BRD1: variants seen among roughly 807,000 people sequenced by gnomAD.
The protein encoded by BRD1 is bromodomain containing 1.
BRD1 carries 24 observed loss-of-function variants against 107.7 expected under a neutral mutation model. That is an observed-to-expected ratio of 0.22 (90% CI 0.16 to 0.31). The LOEUF (loss-of-function observed/expected upper bound fraction) is 0.31, where lower values mean the gene tolerates loss of function less well. BRD1 is among the 10% of genes least tolerant of loss of function. The pLI is 1.00. For synonymous variants in BRD1, 744 were observed against 686.1 expected (o/e 1.08, Z -1.32); for missense variants, 1,279 against 1,638.6 (o/e 0.78, Z 3.79).
chr22:49,811,063 C>T (rs2059840122), intron 2 of BRD1, among the ~76,000 whole-genome samples: 1 of 151,940 alleles, frequency 6.6e-6, no homozygotes. Context: ...ATTACGCAGC[C>T]GTGAAAAGGA....
At chr22:49,825,080 C>G (rs1161624913) in intron 1 of BRD1, among the ~76,000 whole-genome samples, 2 of 152,180 alleles carry the variant, frequency 1.3e-5, no homozygotes, top group African/African-American at 4.8e-5. Flanking sequence ...ATGGAAACCA[C>G]CACAGGCTGA....
At position 49,820,307 on chromosome 22, in the gene BRD1, C is replaced by T. The variant is rs1244099475; in HGVS notation, c.1367+2644G>A. Reference sequence around the variant, plus strand: ...ACGCTGCTCAGATGGGGTCTCATCTCCCTTCCAGCGTGACTGGCTGGCCTG... The same window carrying T: ...ACGCTGCTCAGATGGGGTCTCATCTTCCTTCCAGCGTGACTGGCTGGCCTG... On this transcript the variant is annotated intron_variant, in intron 2 of 12. Coordinates refer to ENST00000404760, the MANE Select transcript of BRD1 (RefSeq NM_001304808.3). 3.3e-5 allele frequency among the ~76,000 whole-genome samples: 5 copies of T among 152,278 alleles called. No homozygotes were observed. The East Asian group carries it at 7.7e-4, about 23-fold the overall frequency.
At chr22:49,793,919 A>G in intron 7 of BRD1, 115 bp downstream of exon 7, 1 of 1,417,372 alleles carries the variant, frequency 7.1e-7, no homozygotes, top group East Asian at 2.3e-5. Context: ...ACTGGCGCTA[A>G]CCTGAGCCTC....
rs111406899 is a variant in BRD1 at position 49,823,151 on chromosome 22, C to A, written c.1167G>T (p.Thr389=). The A allele has an allele frequency of 3.0e-5, 49 of 1,614,078 alleles. No homozygotes were observed. The highest frequency in any genetic ancestry group is 1.8e-4 in the Admixed American group (11 of 60,008). ...GAGGCCTCCGGGTGCAGCCTGGAGG[C>A]GTGTGGACATCACAGTAAGCGGTCT... ...VRKTAYCDVH[T]PPGCTRRPLN... is the part of the protein sequence containing the mutation. The change falls in exon 2 of 13, where the codon ACG becomes ACT. Residue 389 remains threonine (T), a synonymous_variant. Transcript: ENST00000404760.
At chr22:49,778,604 C>CG (rs1569084557) in intron 8 of BRD1, among the ~76,000 whole-genome samples, 1 of 152,292 alleles carries the variant, frequency 6.6e-6, no homozygotes, top group South Asian at 2.1e-4. Context: ...GGAGTCACAA[C>CG]GGGGGGATGA....
At chr22:49,777,217 T>A (rs2059118070) in intron 9 of BRD1, 56 bp from the exon 10 acceptor site, 7 of 1,598,624 alleles carry the variant, frequency 4.4e-6, no homozygotes, top group Non-Finnish European at 6.0e-6. Context: ...TCAGCCTCAC[T>A]CGGGCTTCGT....
At chr22:49,812,258 C>T (rs2059864706) in intron 2 of BRD1, among the ~76,000 whole-genome samples, 1 of 151,682 alleles carries the variant, frequency 6.6e-6, no homozygotes, top group Admixed American at 6.6e-5. Flanking sequence ...CAAAGACGAT[C>T]CAAAAGAATC....
chr22:49,776,173 C>A lies in BRD1; in HGVS notation c.3122-14G>T, dbSNP rs1418543976. On this transcript the variant is annotated splice_polypyrimidine_tract_variant and intron_variant, in intron 10 of 12. Coordinates refer to ENST00000404760, the MANE Select transcript of BRD1 (RefSeq NM_001304808.3). Reference sequence around the variant, plus strand: ...TCTGGCCGACTTCTGCGGAGAGGGGCGTCAGCAGGACACAGGCGTCAGCAG... The same window carrying A: ...TCTGGCCGACTTCTGCGGAGAGGGGAGTCAGCAGGACACAGGCGTCAGCAG... 6.3e-7 allele frequency: 1 copy of A among 1,599,396 alleles called. No homozygotes were observed. The highest frequency in any genetic ancestry group is 8.5e-7 in the Non-Finnish European group (1 of 1,177,576).
chr22:49,790,575 T>C (rs1386130127), intron 7 of BRD1, among the ~76,000 whole-genome samples: 1 of 152,242 alleles, frequency 6.6e-6, no homozygotes, highest in Admixed American at 6.5e-5. Context: ...TAGTTAAGTC[T>C]GCAAGAACAA....
At chr22:49,781,196 G>A (rs187597837) in intron 8 of BRD1, among the ~76,000 whole-genome samples, 322 of 152,264 alleles carry the variant, frequency 2.1e-3, no homozygotes, top group Middle Eastern at 6.8e-3. Flanking sequence ...ACACAGAAAT[G>A]TCCCTCTCTG....
At position 49,823,958 on chromosome 22, in the gene BRD1, G is replaced by A. The variant is rs1173154099; in HGVS notation, c.360C>T (p.Pro120=). 1 of 1,614,108 alleles carries A rather than the reference G, an allele frequency of 6.2e-7. No homozygotes were observed. The highest frequency in any genetic ancestry group is 1.6e-4 in the Middle Eastern group (1 of 6,062). ...TPASASALPE[P]KVRIVEYSPP... ...GGCTGTACTCCACGATGCGCACCTT[G>A]GGCTCCGGGAGGGCACTGGCCGAGG... Residue 120 remains proline (P), a synonymous_variant, in exon 2 of 13, where the codon CCC becomes CCT. Transcript: ENST00000404760.
chr22:49,815,943 C>T (rs1175540224), intron 2 of BRD1, among the ~76,000 whole-genome samples: 2 of 152,176 alleles, frequency 1.3e-5, no homozygotes, highest in African/African-American at 4.8e-5. Context: ...ATGGCCCCTG[C>T]CATGCCTCCC....
intron 8 of BRD1, among the ~76,000 whole-genome samples, chr22:49,786,447 T>G (rs987381344): frequency 6.6e-6 from 1 of 152,212 alleles, no homozygotes; most frequent in Non-Finnish European, 1.5e-5. Flanking sequence ...ACCGAGGAAT[T>G]CAACAGAGTT....
rs9628142 is a variant in BRD1 at position 49,818,366 on chromosome 22, C to T, written c.1367+4585G>A. The T allele has an allele frequency of 2.0e-5, 24 of 1,224,772 alleles. No homozygotes were observed. The Admixed American group carries it at 6.7e-4, about 34-fold the overall frequency. The allele number at this position is 1,224,772 out of a possible 1,614,324, so 75.9% of individuals were successfully genotyped here. ...ACAGTCTCTTTTAAGACACTTTCTACTTTGCATTCTGATGAACCTAGGAGT... is the reference window on the plus strand; with the variant it reads ...ACAGTCTCTTTTAAGACACTTTCTATTTTGCATTCTGATGAACCTAGGAGT... On this transcript the variant is annotated intron_variant, in intron 2 of 12. Coordinates refer to ENST00000404760, the MANE Select transcript of BRD1 (RefSeq NM_001304808.3).
chr22:49,815,465 C>T (rs2059931783), intron 2 of BRD1, among the ~76,000 whole-genome samples: 2 of 151,970 alleles, frequency 1.3e-5, no homozygotes, highest in South Asian at 4.1e-4. Flanking sequence ...ATCGCTTGAA[C>T]CCAGGGGGCA....
intron 3 of BRD1, among the ~76,000 whole-genome samples, chr22:49,801,976 C>A (rs1199083086): frequency 6.6e-6 from 1 of 152,242 alleles, no homozygotes; most frequent in African/African-American, 2.4e-5. Context: ...CTGGACGTCC[C>A]GTTTGGCCAC....
Position 49,824,950 on chromosome 22 carries a change from C to CACCGAGA in BRD1, c.-14-620_-14-619insTCTCGGT. ...CCTGTCCATCCTCTATAGACAGGCCCTCCACACGCACAACACGGCACAGGG... is the reference window on the plus strand; with the variant it reads ...CCTGTCCATCCTCTATAGACAGGCCCACCGAGATCCACACGCACAACACGGCACAGGG... On this transcript the variant is annotated intron_variant, in intron 1 of 12. Transcript: ENST00000404760. The surrounding 1 kb of genome is among the most constrained non-coding windows in gnomAD (Gnocchi z 5.9). 8.3e-6 allele frequency: 3 copies of CACCGAGA among 359,724 alleles called. No individual in the cohort carries two copies. Among genetic ancestry groups the CACCGAGA allele is most frequent in the South Asian group, 2.1e-4 (2 of 9,554 alleles). 22.3% of individuals were successfully genotyped at this position (359,724 alleles called of 1,614,324 possible).
rs1295135420 is a variant in BRD1, at chr22:49,792,129, G to A, written c.2359+1905C>T. On this transcript the variant is annotated intron_variant, in intron 7 of 12. Coordinates refer to ENST00000404760, the MANE Select transcript of BRD1 (RefSeq NM_001304808.3). The surrounding 1 kb of genome is among the most constrained non-coding windows in gnomAD (Gnocchi z 4.2). ...CTCAGTCCTGTGACCCAATAACCGT[G>A]CGGGGTCCTCAGCCCTGTGACCCAA... 2.0e-5 allele frequency among the ~76,000 whole-genome samples: 3 copies of A among 152,014 alleles called. No homozygotes were observed. Among genetic ancestry groups the A allele is most frequent in the Admixed American group, 6.6e-5 (1 of 15,254 alleles).
intron 2 of BRD1, chr22:49,806,521 A>G (rs2059747462): frequency 6.6e-6 from 1 of 152,258 alleles, no homozygotes; most frequent in Non-Finnish European, 1.5e-5. Flanking sequence ...CAACTCGGAC[A>G]GAAGAGTTAA....
Sources: gnomAD v4.1 joint callset for allele counts (sites outside exome capture counted in the v4.1 genomes callset) on GRCh38, gnomAD v4.1.1 for gene constraint, Gnocchi (gnomAD v3.1) non-coding constraint, MANE v1.5 for transcripts, NCBI Gene and HGNC (gene_info 2026-07-23, HGNC 2026-07-21) for gene names.